Variants in ZYG11A observed in about 807,000 individuals in gnomAD.
The protein encoded by ZYG11A is zyg-11 family member A, cell cycle regulator, also known as protein zyg-11 homolog A.
In ZYG11A, 62 loss-of-function variants were observed where a neutral mutation model predicts 77.2. The ratio of observed to expected loss-of-function variants is 0.80; its 90% CI spans 0.65 to 0.99. ZYG11A has a LOEUF of 0.99. ZYG11A is among the 50% of genes least tolerant of loss of function. ZYG11A has a pLI of 0.00. For missense variants in ZYG11A, 828 were observed against 896.8 expected (o/e 0.92, Z 0.98); for synonymous variants, 315 against 324.6 (o/e 0.97, Z 0.32).
rs533410698 is a variant in ZYG11A, at chr1:52,851,683, A to C, written c.91-2782A>C. On this transcript the variant is annotated intron_variant, in intron 1 of 13. Transcript: ENST00000371528. ...CCAAAGTGTTGGAATTATAGGCGTG[A>C]GCCACCATGCCCGGCACACAGTTTA... Among the ~76,000 whole-genome samples the C allele has an allele frequency of 3.9e-5, 6 of 152,068 alleles. No homozygotes were observed. The East Asian group carries it at 9.7e-4, about 25-fold the overall frequency.
chr1:52,881,531 CAT>C lies in ZYG11A; in HGVS notation c.1813_1814del (p.Ile605GlnfsTer6). The C allele has an allele frequency of 6.4e-7, 1 of 1,551,846 alleles. No homozygotes were observed. Among genetic ancestry groups the C allele is most frequent in the Non-Finnish European group, 8.7e-7 (1 of 1,147,022 alleles). ...SKLVTEDVLK[H>X]INSLLCSREM... is the part of the protein sequence containing the mutation. ...GCTGGTGACCGAAGATGTGCTGAAG[CAT>C]ATCAACAGTTTACTCTGTAGCAGGG... On this transcript the variant is annotated frameshift_variant, in exon 11 of 14. Coordinates refer to ENST00000371528, the MANE Select transcript of ZYG11A (RefSeq NM_001004339.3). LOFTEE classifies it high-confidence loss of function.
intron 2 of ZYG11A, 34 bp from the exon 3 acceptor site, chr1:52,856,964 T>G: frequency 6.7e-7 from 1 of 1,489,554 alleles, no homozygotes; most frequent in Middle Eastern, 1.8e-4. Flanking sequence ...TGAGATCTAG[T>G]TGTCATTACA....
chr1:52,864,505 T>C (rs1287538211), intron 5 of ZYG11A, among the ~76,000 whole-genome samples: 2 of 152,086 alleles, frequency 1.3e-5, no homozygotes, highest in African/African-American at 2.4e-5. Context: ...CGGCAGACAA[T>C]TTGTGTTTTC....
In ZYG11A at chr1:52,871,752, A is replaced by T. The variant is rs562001301; in HGVS notation, c.1542+3975A>T. Among the ~76,000 whole-genome samples the T allele has an allele frequency of 2.6e-5, 4 of 152,266 alleles. No individual in the cohort carries two copies. In the South Asian group the frequency reaches 8.3e-4, roughly 32 times the overall value. On this transcript the variant is annotated intron_variant, in intron 8 of 13. Transcript: ENST00000371528. ...ATCTGTCCTCGGATTTCTTTTAGTTATCCTTATCTATTTGTTGTTTCTGTG... is the reference window on the plus strand; with the variant it reads ...ATCTGTCCTCGGATTTCTTTTAGTTTTCCTTATCTATTTGTTGTTTCTGTG...
chr1:52,879,872 C>T (rs1302936492), intron 10 of ZYG11A, among the ~76,000 whole-genome samples: 1 of 151,770 alleles, frequency 6.6e-6, no homozygotes, highest in African/African-American at 2.4e-5. Context: ...AAGTGATTCT[C>T]CCACTTCAGT....
Position 52,868,448 on chromosome 1 carries a change from T to G in ZYG11A, c.1542+671T>G, listed in dbSNP as rs530406861. 2.0e-5 allele frequency among the ~76,000 whole-genome samples: 3 copies of G among 152,302 alleles called. No individual in the cohort carries two copies. The South Asian group carries it at 6.2e-4, about 32-fold the overall frequency. On this transcript the variant is annotated intron_variant, in intron 8 of 13. Transcript: ENST00000371528. ...TGATTTTAAATAAATCATTAATCAGTATTTATGTTATGATTGTGTTAACAT... is the reference window on the plus strand; with the variant it reads ...TGATTTTAAATAAATCATTAATCAGGATTTATGTTATGATTGTGTTAACAT...
chr1:52,859,667 CTTTTTTTTTT>C (rs60756718), intron 3 of ZYG11A, among the ~76,000 whole-genome samples: 36 of 42,938 alleles, frequency 8.4e-4, no homozygotes, highest in Non-Finnish European at 1.5e-3. Context: ...TGTGTATTGC[CTTTTTTTTTT>C]TTTTTTTTTT....
chr1:52,843,952 C>T (rs1439800306), intron 1 of ZYG11A, among the ~76,000 whole-genome samples: 3 of 152,202 alleles, frequency 2.0e-5, no homozygotes, highest in African/African-American at 4.8e-5. Flanking sequence ...TCCCAGAGTG[C>T]TGGGATTACA....
chr1:52,892,204 TGGG>T (rs149399578), intron 13 of ZYG11A, among the ~76,000 whole-genome samples: 1 of 145,376 alleles, frequency 6.9e-6, no homozygotes, highest in East Asian at 2.1e-4. Context: ...CAGCCACATC[TGGG>T]GGTTTTCAAC....
At chr1:52,884,511 G>A (rs921158093) in intron 11 of ZYG11A, among the ~76,000 whole-genome samples, 9 of 143,988 alleles carry the variant, frequency 6.3e-5, no homozygotes, top group Middle Eastern at 3.7e-3. Context: ...AAAAAAAGCC[G>A]GGCGTGGTGG....
At chr1:52,879,754 A>ATTTT (rs1382349650) in intron 10 of ZYG11A, among the ~76,000 whole-genome samples, 1 of 141,690 alleles carries the variant, frequency 7.1e-6, no homozygotes, top group Non-Finnish European at 1.5e-5. Flanking sequence ...TTTCTTATTT[A>ATTTT]TTTATTTATT....
At chr1:52,882,897 GAGTACTTATC>G (rs1344111339) in intron 11 of ZYG11A, among the ~76,000 whole-genome samples, 1 of 150,514 alleles carries the variant, frequency 6.6e-6, no homozygotes, top group African/African-American at 2.5e-5. Context: ...ATATTTTGTT[GAGTACTTATC>G]AGTCAGGAAG....
intron 4 of ZYG11A, among the ~76,000 whole-genome samples, chr1:52,863,553 C>A (rs974137034): frequency 6.6e-6 from 1 of 152,190 alleles, no homozygotes; most frequent in African/African-American, 2.4e-5. Context: ...GATGTCACTT[C>A]ATTGATGCGT....
chr1:52,872,439 A>AC (rs1269908209), intron 8 of ZYG11A, among the ~76,000 whole-genome samples: 2 of 152,170 alleles, frequency 1.3e-5, no homozygotes, highest in African/African-American at 4.8e-5. Context: ...CATTGATAAT[A>AC]CACCAGCCAC....
chr1:52,848,388 T>C (rs1235319498), intron 1 of ZYG11A, among the ~76,000 whole-genome samples: 4 of 152,210 alleles, frequency 2.6e-5, no homozygotes, highest in African/African-American at 9.6e-5. Context: ...TTTCTCATTG[T>C]TGGTTTTTAG....
At chr1:52,865,892 A>AATTTGTG (rs1476115311) in intron 5 of ZYG11A, among the ~76,000 whole-genome samples, 1 of 151,810 alleles carries the variant, frequency 6.6e-6, no homozygotes. Context: ...CAGGGGTATA[A>AATTTGTG]ATTTGTGAAA....
In ZYG11A at chr1:52,860,754, T is replaced by G; in HGVS notation, c.1032T>G (p.Ser344Arg). 1 of 1,551,552 alleles carries G rather than the reference T, an allele frequency of 6.4e-7. No homozygotes were observed. Among genetic ancestry groups the G allele is most frequent in the South Asian group, 1.2e-5 (1 of 84,032 alleles). ...GLRVAGGASM[S>R]QISEALSRYR... ...AGGTTGCTGGAGGAGCCAGTATGAG[T>G]CAGATTTCAGAAGCACTGAGCCGAT... Residue 344 changes from serine (S) to arginine (R), a missense_variant, in exon 4 of 14, where the codon AGT becomes AGG. By Grantham distance (110) the Ser-to-Arg change is moderately radical. Coordinates refer to ENST00000371528, the MANE Select transcript of ZYG11A (RefSeq NM_001004339.3).
At chr1:52,866,262 A>G (rs1328206458) in intron 5 of ZYG11A, among the ~76,000 whole-genome samples, 2 of 152,124 alleles carry the variant, frequency 1.3e-5, no homozygotes, top group East Asian at 1.9e-4. Flanking sequence ...TTAAAAATAC[A>G]GTTAGGAAGG....
At chr1:52,851,914 ATTTTT>A (rs143301493) in intron 1 of ZYG11A, among the ~76,000 whole-genome samples, 1 of 126,604 alleles carries the variant, frequency 7.9e-6, no homozygotes, top group African/African-American at 3.0e-5. Context: ...TGCCTTCCTA[ATTTTT>A]TTTTTTTTTT....
Sources: gnomAD v4.1 joint callset for allele counts (sites outside exome capture counted in the v4.1 genomes callset) on GRCh38, gnomAD v4.1.1 for gene constraint, MANE v1.5 for transcripts, NCBI Gene and HGNC (gene_info 2026-07-23, HGNC 2026-07-21) for gene names.